ATL3: variants seen among roughly 807,000 people sequenced by gnomAD.
The protein encoded by ATL3 is atlastin GTPase 3.
In ATL3, 49 loss-of-function variants were observed where a neutral mutation model predicts 69.5. The observed-to-expected ratio is 0.71, with a 90% CI of 0.56 to 0.89. The LOEUF is 0.89. Ranked by LOEUF, ATL3 falls within the 40% of genes least tolerant of loss-of-function variation. The pLI is 0.00. For missense variants in ATL3, 606 were observed against 645.7 expected, an observed-to-expected ratio of 0.94 and a Z score of 0.67; for synonymous variants, 214 against 224.1, an observed-to-expected ratio of 0.95 and a Z score of 0.40.
intron 1 of ATL3, among the ~76,000 whole-genome samples, chr11:63,662,686 C>G (rs1940456947): frequency 6.6e-6 from 1 of 152,132 alleles, no homozygotes; most frequent in Non-Finnish European, 1.5e-5. Context: ...ACCATGTTGC[C>G]CAGGCCCGTC....
intron 7 of ATL3, 104 bp from the exon 8 acceptor site, chr11:63,643,599 G>C: frequency 7.9e-6 from 8 of 1,009,502 alleles, no homozygotes; most frequent in Non-Finnish European, 1.1e-5. Context: ...CAACTCTGAT[G>C]GATCATAGTG....
intron 10 of ATL3, among the ~76,000 whole-genome samples, chr11:63,635,193 T>TA (rs1191297260): frequency 2.0e-5 from 3 of 151,436 alleles, no homozygotes; most frequent in East Asian, 1.9e-4. Flanking sequence ...TATATAAAAA[T>TA]AAAAAAAATA....
chr11:63,635,546 C>T lies in ATL3; in HGVS notation c.1023G>A (p.Lys341=). The change falls in exon 10 of 13, where the codon AAG becomes AAA. Residue 341 remains lysine, a synonymous_variant. Transcript: ENST00000398868. ...IYQGEDLPHP[K]SMLQATAEAN... ...AATCATTGTTTACCTGAAGCATGGA[C>T]TTGGGGTGAGGCAGATCTTCTCCTT... 1.2e-6 allele frequency: 2 copies of T among 1,612,388 alleles called. No homozygotes were observed. Among genetic ancestry groups the T allele is most frequent in the Non-Finnish European group, 1.7e-6 (2 of 1,178,680 alleles).
intron 10 of ATL3, among the ~76,000 whole-genome samples, chr11:63,634,242 C>CA (rs1215148717): frequency 6.6e-6 from 1 of 150,418 alleles, no homozygotes; most frequent in Non-Finnish European, 1.5e-5. Flanking sequence ...CGCGGTGACT[C>CA]ACGCCTGTAA....
intron 1 of ATL3, among the ~76,000 whole-genome samples, chr11:63,662,374 G>C (rs926954248): frequency 1.3e-5 from 2 of 152,120 alleles, no homozygotes; most frequent in African/African-American, 4.8e-5. Flanking sequence ...TTTTTAGGTA[G>C]TTAAAAGGAC....
In ATL3 at chr11:63,625,771, A is replaced by C. The variant is rs79429913; in HGVS notation, c.*3548T>G. On this transcript the variant is annotated 3_prime_UTR_variant, in exon 13 of 13. Coordinates refer to ENST00000398868, the MANE Select transcript of ATL3 (RefSeq NM_015459.5). ...GGAAGGCCAAGACAGGCGGATTCCC[A>C]GAGGAGTTGAGACCAGCCTGGTCAA... 1 of 152,150 alleles carries C rather than the reference A, an allele frequency of 6.6e-6. No individual in the cohort carries two copies. The highest frequency in any genetic ancestry group is 6.5e-5 in the Admixed American group (1 of 15,270). The allele number at this position is 152,150 out of a possible 1,614,324, so 9.4% of individuals were successfully genotyped here.
chr11:63,653,217 A>G (rs1197821830), intron 3 of ATL3, among the ~76,000 whole-genome samples: 1 of 152,150 alleles, frequency 6.6e-6, no homozygotes, highest in East Asian at 1.9e-4. Context: ...CTGTAATCCC[A>G]GTACTTTGGG....
In ATL3 at chr11:63,659,032, T is replaced by C. The variant is rs577026155; in HGVS notation, c.261+6A>G. 6.2e-6 allele frequency: 10 copies of C among 1,613,522 alleles called. No individual in the cohort carries two copies. The highest frequency in any genetic ancestry group is 1.7e-5 in the Admixed American group (1 of 59,986). ...TTTTACTTGAAATAAAATAATTCTATCTTACCTGAGAATATAAGTATCGTA... is the reference window on the plus strand; with the variant it reads ...TTTTACTTGAAATAAAATAATTCTACCTTACCTGAGAATATAAGTATCGTA... On this transcript the variant is annotated splice_donor_region_variant and intron_variant, in intron 2 of 12. Transcript: ENST00000398868.
intron 5 of ATL3, 66 bp downstream of exon 5, chr11:63,651,870 A>C: frequency 6.5e-7 from 1 of 1,530,504 alleles, no homozygotes; most frequent in Non-Finnish European, 8.7e-7. Flanking sequence ...ACTCAGTTGT[A>C]AAATGTTCCT....
Position 63,658,746 on chromosome 11 carries a change from C to T in ATL3, c.405+15G>A. ...TGTTGTTGTTGTTAATCTGTAAGGT[C>T]ATTTTCATCCTTACCTTCTTCCCAC... On this transcript the variant is annotated intron_variant, in intron 3 of 12. Transcript: ENST00000398868. 6.3e-7 allele frequency: 1 copy of T among 1,589,586 alleles called. No individual in the cohort carries two copies. The highest frequency in any genetic ancestry group is 8.5e-7 in the Non-Finnish European group (1 of 1,172,056).
upstream of ATL3, chr11:63,671,586 AGAATCCCGCCAC>A: frequency 2.1e-6 from 3 of 1,429,662 alleles, no homozygotes; most frequent in Non-Finnish European, 2.7e-6. Flanking sequence ...CGCACGCGGC[AGAATCCCGCCAC>A]CGCCTGCCGC....
In ATL3 at chr11:63,671,290, C is replaced by T; in HGVS notation, c.46G>A (p.Asp16Asn). ...GATCCAGGGAAAATCGGCGCCTCAC[C>T]TGCTCCTCTTGAGGCAGCTGCTGCC... ...RVAAAASRGA[D>N]DAMESSKPGP... Residue 16 changes from aspartate to asparagine, a missense_variant and splice_region_variant, in exon 1 of 13, where the codon GAT (aspartate) becomes AAT (asparagine). Asp to Asn is a conservative substitution (Grantham distance 23). Coordinates refer to ENST00000398868, the MANE Select transcript of ATL3 (RefSeq NM_015459.5). 1 of 1,584,018 alleles carries T rather than the reference C, an allele frequency of 6.3e-7. No individual in the cohort carries two copies. The highest frequency in any genetic ancestry group is 8.6e-7 in the Non-Finnish European group (1 of 1,167,176).
chr11:63,631,322 C>T lies in ATL3; in HGVS notation c.1257G>A (p.Glu419=), dbSNP rs1939310233. 1.9e-6 allele frequency: 3 copies of T among 1,614,180 alleles called. No homozygotes were observed. Among genetic ancestry groups the T allele is most frequent in the South Asian group, 1.1e-5 (1 of 91,082 alleles). ...FSFRYQQELE[E]EIKELYENFC... is the part of the protein sequence containing the mutation. ...AGTTCTCATATAATTCCTTGATTTC[C>T]TCCTCCAGCTCCTGCTGGTAACGAA... Residue 419 remains glutamate, a synonymous_variant, in exon 12 of 13, where the codon GAG becomes GAA. Coordinates refer to ENST00000398868, the MANE Select transcript of ATL3 (RefSeq NM_015459.5).
intron 5 of ATL3, among the ~76,000 whole-genome samples, chr11:63,649,633 G>A (rs900956678): frequency 2.0e-5 from 3 of 151,088 alleles, no homozygotes; most frequent in African/African-American, 4.9e-5. Context: ...CCAGGTTCAA[G>A]TGATTCTCAG....
chr11:63,647,010 C>T (rs1339832454), intron 5 of ATL3, among the ~76,000 whole-genome samples: 1 of 152,128 alleles, frequency 6.6e-6, no homozygotes, highest in Non-Finnish European at 1.5e-5. Flanking sequence ...CGGGGCACAC[C>T]GCTGCCTTAG....
chr11:63,644,102 C>G, intron 7 of ATL3, 67 bp downstream of exon 7: 2 of 1,077,902 alleles, frequency 1.9e-6, no homozygotes, highest in Non-Finnish European at 1.4e-6. Flanking sequence ...AACACAATAG[C>G]CAAAAGCAAA....
rs1005530746 is a variant in ATL3 at position 63,631,072 on chromosome 11, T to C, written c.1507A>G (p.Ile503Val). 11 of 1,613,320 alleles carry C rather than the reference T, an allele frequency of 6.8e-6. No individual in the cohort carries two copies. Among genetic ancestry groups the C allele is most frequent in the Non-Finnish European group, 9.3e-6 (11 of 1,179,654 alleles). Residue 503 changes from isoleucine to valine, a missense_variant, in exon 12 of 13, where the codon ATT (isoleucine) becomes GTT (valine). Coordinates refer to ENST00000398868, the MANE Select transcript of ATL3 (RefSeq NM_015459.5). ...SGQYRELGGA[I>V]DFGAAYVLEQ... ...AACACATATGCGGCACCAAAATCAA[T>C]AGCTCCGCCCAGCTCACGATATTGA...
rs1224320133 is a variant in ATL3 at position 63,625,944 on chromosome 11, T to G, written c.*3375A>C. ...TTGTAGTGAGCCAAGATTGCGCCAC[T>G]GCACTTCAGCCTGGGTGACAGTACA... On this transcript the variant is annotated 3_prime_UTR_variant, in exon 13 of 13. Transcript: ENST00000398868. 1 of 151,688 alleles carries G rather than the reference T, an allele frequency of 6.6e-6. No individual in the cohort carries two copies. The highest frequency in any genetic ancestry group is 6.6e-5 in the Admixed American group (1 of 15,240). 9.4% of individuals were successfully genotyped at this position (151,688 alleles called of 1,614,324 possible).
chr11:63,654,171 G>A (rs1199005742), intron 3 of ATL3, among the ~76,000 whole-genome samples: 5 of 146,806 alleles, frequency 3.4e-5, no homozygotes, highest in Non-Finnish European at 6.0e-5. Flanking sequence ...TTTTTGAGAC[G>A]GAGTCTTGCG....
Sources: gnomAD v4.1 joint callset for allele counts (sites outside exome capture counted in the v4.1 genomes callset) on GRCh38, gnomAD v4.1.1 for gene constraint, MANE v1.5 for transcripts, NCBI Gene and HGNC (gene_info 2026-07-23, HGNC 2026-07-21) for gene names.